The following TRABD2B variants were observed in gnomAD, a reference collection of about 807,000 sequenced individuals.
TRABD2B encodes the protein metalloprotease TIKI2.
In TRABD2B, 14 loss-of-function variants were observed where a neutral mutation model predicts 40.1. The ratio of observed to expected loss-of-function variants is 0.35; its 90% CI spans 0.23 to 0.55. The LOEUF is 0.55. Ranked by LOEUF, TRABD2B falls within the 20% of genes least tolerant of loss-of-function variation. The pLI, the probability that TRABD2B is intolerant of heterozygous loss-of-function variation, is 0.90. For synonymous variants in TRABD2B, 263 were observed against 277.0 expected (o/e 0.95, Z 0.50); for missense variants, 541 against 648.6 (o/e 0.83, Z 1.80).
chr1:47,939,877 C>T (rs1645162753), intron 2 of TRABD2B, among the ~76,000 whole-genome samples: 2 of 152,194 alleles, frequency 1.3e-5, no homozygotes, highest in African/African-American at 2.4e-5. Context: ...TACTGGCCTT[C>T]CTGCCTCTAG....
chr1:47,791,247 A>ACAGAGCTTT (rs1291276215), intron 4 of TRABD2B, among the ~76,000 whole-genome samples: 1 of 152,174 alleles, frequency 6.6e-6, no homozygotes, highest in African/African-American at 2.4e-5. Context: ...CTCCAGAACC[A>ACAGAGCTTT]CAGAGCTTTC....
At chr1:47,799,447 G>C (rs927287222) in intron 3 of TRABD2B, among the ~76,000 whole-genome samples, 23 of 152,206 alleles carry the variant, frequency 1.5e-4, no homozygotes, top group African/African-American at 5.6e-4. Context: ...TCGGAATCCT[G>C]AGTGTCCTGC....
intron 2 of TRABD2B, among the ~76,000 whole-genome samples, chr1:47,873,319 T>A (rs868395655): frequency 1.3e-5 from 2 of 152,164 alleles, no homozygotes; most frequent in South Asian, 4.1e-4. Context: ...GAAGCTGGTG[T>A]GTGGCTCACC....
chr1:47,849,157 G>T (rs1806621), intron 2 of TRABD2B, among the ~76,000 whole-genome samples: 45,039 of 152,068 alleles, frequency 0.3, 6,818 homozygotes, highest in East Asian at 0.46. Flanking sequence ...CCACCCCCAG[G>T]ACCTCAGAAT....
chr1:47,834,579 G>GCACACACACACACACA (rs3035710), intron 2 of TRABD2B, among the ~76,000 whole-genome samples: 6 of 148,826 alleles, frequency 4.0e-5, no homozygotes, highest in African/African-American at 1.5e-4. Flanking sequence ...ACACACACGC[G>GCACACACACACACACA]CACACACACA....
In TRABD2B at chr1:47,765,246, C is replaced by T. The variant is rs1251159921; in HGVS notation, c.*656G>A. ...GGACTGCTTTCCTCAGCACCAGTAT[C>T]CCACCTCCCACCCCACCCCAGCGCT... On this transcript the variant is annotated 3_prime_UTR_variant, in exon 7 of 7. Transcript: ENST00000606738. 3.9e-5 allele frequency: 6 copies of T among 152,518 alleles called. No individual in the cohort carries two copies. The highest frequency in any genetic ancestry group is 3.9e-4 in the Admixed American group (6 of 15,330). The allele number at this position is 152,518 out of a possible 1,614,324, so 9.4% of individuals were successfully genotyped here. A position where few individuals can be genotyped will look rare whatever the true frequency, so the allele number is the denominator to read the frequency against.
intron 2 of TRABD2B, among the ~76,000 whole-genome samples, chr1:47,951,222 C>G (rs1218273956): frequency 6.6e-6 from 1 of 152,186 alleles, no homozygotes; most frequent in Non-Finnish European, 1.5e-5. Context: ...AGGGGCGAGT[C>G]ATCGGGCACA....
intron 2 of TRABD2B, among the ~76,000 whole-genome samples, chr1:47,807,624 T>TTGTG (rs1000621836): frequency 3.8e-4 from 58 of 151,140 alleles, no homozygotes; most frequent in Non-Finnish European, 6.9e-4. Flanking sequence ...TTATTCATAT[T>TTGTG]TGTGTGTGTG....
At chr1:47,926,194 C>T (rs114154470) in intron 2 of TRABD2B, among the ~76,000 whole-genome samples, 2,618 of 152,240 alleles carry the variant, frequency 0.017, 33 homozygotes, top group Middle Eastern at 0.051. Context: ...GGAATCATTC[C>T]TTCTCAAAAA....
At chr1:47,824,992 G>A (rs546260967) in intron 2 of TRABD2B, among the ~76,000 whole-genome samples, 2 of 152,286 alleles carry the variant, frequency 1.3e-5, no homozygotes, top group South Asian at 4.1e-4. Flanking sequence ...AAGTCCCTGC[G>A]ACGAGGATGA....
intron 2 of TRABD2B, among the ~76,000 whole-genome samples, chr1:47,891,231 G>A (rs1644440832): frequency 6.6e-6 from 1 of 152,202 alleles, no homozygotes; most frequent in African/African-American, 2.4e-5. Flanking sequence ...ACATAGCAAT[G>A]AGTCAAACAA....
At chr1:47,941,478 A>G (rs1645187741) in intron 2 of TRABD2B, among the ~76,000 whole-genome samples, 1 of 152,208 alleles carries the variant, frequency 6.6e-6, no homozygotes, top group South Asian at 2.1e-4. Context: ...ACTTACCCAC[A>G]AAAATGCACC....
intron 2 of TRABD2B, among the ~76,000 whole-genome samples, chr1:47,854,555 G>A (rs1643872245): frequency 6.7e-6 from 1 of 150,034 alleles, no homozygotes; most frequent in Non-Finnish European, 1.5e-5. Context: ...GTGATTTGAT[G>A]GTGAGGGTCT....
At chr1:47,839,517 G>C (rs1258562985) in intron 2 of TRABD2B, among the ~76,000 whole-genome samples, 2 of 152,204 alleles carry the variant, frequency 1.3e-5, no homozygotes, top group African/African-American at 2.4e-5. Flanking sequence ...CCTCCACCCA[G>C]AGTAGTGGAT....
intron 2 of TRABD2B, among the ~76,000 whole-genome samples, chr1:47,853,152 G>A (rs929185716): frequency 1.3e-5 from 2 of 152,186 alleles, no homozygotes; most frequent in African/African-American, 4.8e-5. Flanking sequence ...TGCTAGGGCC[G>A]AGGGCCACTC....
At chr1:47,900,821 T>G (rs574089586) in intron 2 of TRABD2B, among the ~76,000 whole-genome samples, 1 of 152,258 alleles carries the variant, frequency 6.6e-6, no homozygotes, top group South Asian at 2.1e-4. Flanking sequence ...CATTTTTGTC[T>G]TGGTAAAATT....
chr1:47,810,948 C>G (rs549887471), intron 2 of TRABD2B, among the ~76,000 whole-genome samples: 7 of 152,310 alleles, frequency 4.6e-5, no homozygotes, highest in African/African-American at 1.7e-4. Flanking sequence ...GAGGACAAGG[C>G]GGGAGCCTAG....
chr1:47,844,705 T>A (rs1217934450), intron 2 of TRABD2B, among the ~76,000 whole-genome samples: 1 of 152,170 alleles, frequency 6.6e-6, no homozygotes, highest in Non-Finnish European at 1.5e-5. Flanking sequence ...TTCAGGAACA[T>A]CTGTTGGGCC....
chr1:47,808,024 T>C (rs747314786), intron 2 of TRABD2B, among the ~76,000 whole-genome samples: 8 of 152,242 alleles, frequency 5.3e-5, no homozygotes, highest in Non-Finnish European at 8.8e-5. Flanking sequence ...AAACTTTTTT[T>C]AGATGCTTCT....
Sources: allele counts gnomAD v4.1 joint callset (sites outside exome capture counted in the v4.1 genomes callset), GRCh38; gene constraint gnomAD v4.1.1; transcripts MANE v1.5; gene names NCBI Gene and HGNC (gene_info 2026-07-23, HGNC 2026-07-21).